The following N4BP2L2 variants were observed in gnomAD, a reference collection of about 807,000 sequenced individuals.
N4BP2L2 encodes NEDD4 binding protein 2 like 2.
A neutral mutation model predicts 56.2 loss-of-function variants in N4BP2L2; 50 were observed. That is an observed-to-expected ratio of 0.89 (90% CI 0.71 to 1.13). The LOEUF (loss-of-function observed/expected upper bound fraction) is 1.13. Ranked by LOEUF, N4BP2L2 falls within the 50% of genes most tolerant of loss-of-function variation. The pLI is 0.00. For missense variants in N4BP2L2, 689 were observed against 693.8 expected, an observed-to-expected ratio of 0.99 and a Z score of 0.08; for synonymous variants, 203 against 223.6, an observed-to-expected ratio of 0.91 and a Z score of 0.82.
chr13:32,456,609 G>A (rs950221673), intron 6 of N4BP2L2, among the ~76,000 whole-genome samples: 11 of 152,082 alleles, frequency 7.2e-5, no homozygotes, highest in Non-Finnish European at 5.9e-5. Flanking sequence ...ACAAGAGAAC[G>A]CAGATAAATA....
exon 7 of N4BP2L2, chr13:32,443,874 T>C: frequency 6.4e-7 from 1 of 1,571,432 alleles, no homozygotes; most frequent in Non-Finnish European, 8.6e-7. Flanking sequence ...TTTCTTTATA[T>C]CCAGTCACAA....
intron 9 of N4BP2L2, among the ~76,000 whole-genome samples, chr13:32,435,807 T>G (rs769272365): frequency 6.6e-6 from 1 of 152,212 alleles, no homozygotes; most frequent in Non-Finnish European, 1.5e-5. Flanking sequence ...AAAAAACGTA[T>G]GGTAAATGCA....
At chr13:32,490,300 TTTTGTTTG>T (rs773324677) in intron 6 of N4BP2L2, among the ~76,000 whole-genome samples, 1 of 152,000 alleles carries the variant, frequency 6.6e-6, no homozygotes, top group Non-Finnish European at 1.5e-5. Context: ...TGTTTTGTTT[TTTTGTTTG>T]TTTGTTTGTT....
At chr13:32,448,306 G>A (rs1484793289) in intron 6 of N4BP2L2, among the ~76,000 whole-genome samples, 1 of 152,028 alleles carries the variant, frequency 6.6e-6, no homozygotes, top group Non-Finnish European at 1.5e-5. Flanking sequence ...TCTCATCAAA[G>A]CTGTGTCAAG....
chr13:32,459,446 T>C (rs2079591696), intron 6 of N4BP2L2, among the ~76,000 whole-genome samples: 1 of 151,770 alleles, frequency 6.6e-6, no homozygotes, highest in African/African-American at 2.4e-5. Flanking sequence ...AAACGAGACA[T>C]AACAATGATA....
exon 8 of N4BP2L2, chr13:32,438,694 C>T (rs931479721): frequency 1.9e-6 from 3 of 1,611,240 alleles, no homozygotes; most frequent in East Asian, 2.2e-5. Context: ...TCTTTAGTGT[C>T]TTCCAGTCAA....
exon 2 of N4BP2L2, chr13:32,536,548 T>A: frequency 6.2e-7 from 1 of 1,613,992 alleles, no homozygotes; most frequent in Non-Finnish European, 8.5e-7. Flanking sequence ...CAGAGTTAAA[T>A]TTCTGTTTCT....
intron 6 of N4BP2L2, among the ~76,000 whole-genome samples, chr13:32,475,881 A>T (rs1427349440): frequency 6.6e-6 from 1 of 152,178 alleles, no homozygotes; most frequent in Non-Finnish European, 1.5e-5. Flanking sequence ...CGGCAAAGGG[A>T]GAAGAAAAAT....
In N4BP2L2 at chr13:32,522,277, T is replaced by C; in HGVS notation, c.1385-7A>G. 2 of 1,474,334 alleles carry C rather than the reference T, an allele frequency of 1.4e-6. No homozygotes were observed. Among genetic ancestry groups the C allele is most frequent in the East Asian group, 2.3e-5 (1 of 42,656 alleles). The allele number at this position is 1,474,334 out of a possible 1,614,324, so 91.3% of individuals were successfully genotyped here. A position where few individuals can be genotyped will look rare whatever the true frequency, so the allele number is the denominator to read the frequency against. On this transcript the variant is annotated splice_polypyrimidine_tract_variant and splice_region_variant and intron_variant, in intron 3 of 5. Coordinates refer to ENST00000267068, the Ensembl canonical transcript of N4BP2L2. ...TGATCGATAGCTTGTTTTGCTGAAA[T>C]AAAATATAAATTTAAAAATAAAAAA...
intron 6 of N4BP2L2, among the ~76,000 whole-genome samples, chr13:32,498,837 T>G (rs886345830): frequency 6.6e-6 from 1 of 150,380 alleles, no homozygotes; most frequent in African/African-American, 2.4e-5. Flanking sequence ...ACCCCAACTC[T>G]ACAAAAAAAT....
chr13:32,482,514 ATTTTTT>A (rs113883024), intron 6 of N4BP2L2, among the ~76,000 whole-genome samples: 14 of 145,678 alleles, frequency 9.6e-5, no homozygotes, highest in African/African-American at 3.3e-4. Flanking sequence ...TGACCAGCTA[ATTTTTT>A]TTTTTTTTTG....
intron 6 of N4BP2L2, among the ~76,000 whole-genome samples, chr13:32,464,195 T>C (rs1260618154): frequency 4.6e-5 from 7 of 152,236 alleles, no homozygotes; most frequent in African/African-American, 9.6e-5. Context: ...ACAACAACAA[T>C]AGAATGGAGG....
chr13:32,438,444 C>A (rs1188567551), intron 8 of N4BP2L2, among the ~76,000 whole-genome samples: 2 of 152,104 alleles, frequency 1.3e-5, no homozygotes, highest in Non-Finnish European at 2.9e-5. Context: ...TAAAAATATA[C>A]CTCCACTGGC....
At chr13:32,524,589 T>C (rs896473900) in intron 3 of N4BP2L2, 1 of 152,234 alleles carries the variant, frequency 6.6e-6, no homozygotes, top group Non-Finnish European at 1.5e-5. Context: ...ATTATTTCAA[T>C]AATAAACATG....
At chr13:32,491,362 G>A (rs1389370703) in intron 6 of N4BP2L2, among the ~76,000 whole-genome samples, 1 of 151,810 alleles carries the variant, frequency 6.6e-6, no homozygotes, top group Non-Finnish European at 1.5e-5. Flanking sequence ...CTAAGTAGAT[G>A]AAATACAAAA....
chr13:32,527,241 A>G, intron 3 of N4BP2L2, 167 bp downstream of exon 3: 4 of 652,204 alleles, frequency 6.1e-6, no homozygotes, highest in South Asian at 2.3e-5. Flanking sequence ...AGGTAGGGCA[A>G]GTATAATTAT....
At chr13:32,536,985 C>T (rs1384789981) in exon 2 of N4BP2L2, 2 of 1,598,044 alleles carry the variant, frequency 1.3e-6, no homozygotes, top group East Asian at 2.2e-5. Flanking sequence ...GTTACTTCTT[C>T]TCTAGGTCCC....
intron 6 of N4BP2L2, among the ~76,000 whole-genome samples, chr13:32,503,411 G>A (rs2090380958): frequency 6.6e-6 from 1 of 152,070 alleles, no homozygotes. Flanking sequence ...CCTGCATTCA[G>A]AAGTGTTAAT....
chr13:32,516,998 T>C, exon 6 of N4BP2L2: 3 of 969,340 alleles, frequency 3.1e-6, no homozygotes, highest in Non-Finnish European at 3.7e-6. Flanking sequence ...TAGAAGATAT[T>C]CTATAGTACA....
Sources: allele counts gnomAD v4.1 joint callset (sites outside exome capture counted in the v4.1 genomes callset), GRCh38; gene constraint gnomAD v4.1.1; transcripts MANE v1.5; gene names NCBI Gene and HGNC (gene_info 2026-07-23, HGNC 2026-07-21).